DTYMK: variants seen among roughly 807,000 people sequenced by gnomAD.
DTYMK encodes the protein deoxythymidylate kinase.
In DTYMK, 20 loss-of-function variants were observed where a neutral mutation model predicts 20.3. That is an observed-to-expected ratio of 0.99 (90% CI 0.69 to 1.43). The LOEUF is 1.43. Among genes scored for constraint, DTYMK ranks in the 40% most tolerant of loss-of-function variants. The probability of loss-of-function intolerance (pLI) is 0.00; values close to 1 mark genes in which losing one functional copy is unlikely to be tolerated. For synonymous variants in DTYMK, 148 were observed against 124.4 expected (o/e 1.19, Z -1.27); for missense variants, 320 against 291.1 (o/e 1.10, Z -0.72).
chr2:241,679,883 C>T (rs568973252), intron 3 of DTYMK, among the ~76,000 whole-genome samples: 25 of 150,364 alleles, frequency 1.7e-4, no homozygotes, highest in Admixed American at 6.7e-4. Context: ...GCAGGATAAT[C>T]GCTTGAACTC....
intron 2 of DTYMK, chr2:241,682,850 C>A: frequency 5.8e-6 from 1 of 172,022 alleles, no homozygotes; most frequent in South Asian, 9.9e-5. Flanking sequence ...CTTGAACCTG[C>A]GAGGCGTAGG....
chr2:241,682,440 A>G (rs907221792), intron 2 of DTYMK: 1 of 295,954 alleles, frequency 3.4e-6, no homozygotes, highest in Non-Finnish European at 6.7e-6. Flanking sequence ...TGTTATCTAA[A>G]GCATACAAAG....
At chr2:241,684,701 A>AG in intron 2 of DTYMK, 1 of 461,794 alleles carries the variant, frequency 2.2e-6, no homozygotes, top group Non-Finnish European at 4.5e-6. Context: ...AAATAAAAAC[A>AG]TTGAAAGAAC....
Position 241,678,486 on chromosome 2 carries a change from T to G in DTYMK, c.494A>C (p.His165Pro), listed in dbSNP as rs1361324290. ...AFQERALRCFHQLMKDTTLNW... is the reference protein window; with the variant it reads ...AFQERALRCFPQLMKDTTLNW... ...CAAAGTCGTGTCTTTCATGAGCTGG[T>G]GGAAACACCGGAGCGCCCGCTCCTG... Residue 165 changes from histidine to proline, a missense_variant, in exon 4 of 5, where the codon CAC becomes CCC. Physicochemically the swap from His to Pro is moderately conservative, Grantham distance 77. Transcript: ENST00000305784. 1 of 1,614,020 alleles carries G rather than the reference T, an allele frequency of 6.2e-7. No homozygotes were observed. Among genetic ancestry groups the G allele is most frequent in the Non-Finnish European group, 8.5e-7 (1 of 1,180,040 alleles).
At chr2:241,681,960 C>CT (rs1033072168) in intron 2 of DTYMK, 1 of 275,216 alleles carries the variant, frequency 3.6e-6, no homozygotes, top group African/African-American at 2.3e-5. Flanking sequence ...AGGAGGATCA[C>CT]TTGAACCCAG....
At chr2:241,684,816 A>G in intron 2 of DTYMK, 1 of 437,274 alleles carries the variant, frequency 2.3e-6, no homozygotes, top group Non-Finnish European at 4.6e-6. Flanking sequence ...TAATGTATCA[A>G]TATTGGTTAT....
intron 3 of DTYMK, 126 bp from the exon 4 acceptor site, chr2:241,678,775 T>C: frequency 9.1e-7 from 1 of 1,096,530 alleles, no homozygotes; most frequent in Non-Finnish European, 1.3e-6. Flanking sequence ...GTTTATATTG[T>C]GGCTCGTTTA....
intron 2 of DTYMK, chr2:241,682,302 T>C (rs1413345104): frequency 1.6e-5 from 7 of 449,950 alleles, no homozygotes; most frequent in Admixed American, 4.8e-5. Flanking sequence ...GATTGCGCAC[T>C]GCACTCAGCC....
chr2:241,682,035 C>T lies in DTYMK; in HGVS notation c.240-1716G>A, dbSNP rs1006429297. On this transcript the variant is annotated intron_variant, in intron 2 of 4. Transcript: ENST00000305784. ...TTCCAGCCTGGGCAACAGAGCAAGACATTTCTCCTAAAAAAAAATAAGGCC... is the reference window on the plus strand; with the variant it reads ...TTCCAGCCTGGGCAACAGAGCAAGATATTTCTCCTAAAAAAAAATAAGGCC... 6.8e-5 allele frequency: 22 copies of T among 322,220 alleles called. No homozygotes were observed. The Middle Eastern group carries it at 3.5e-3, about 51-fold the overall frequency. The allele number at this position is 322,220 out of a possible 1,614,324, so 20.0% of individuals were successfully genotyped here. A position where few individuals can be genotyped will look rare whatever the true frequency, so the allele number is the denominator to read the frequency against.
intron 2 of DTYMK, among the ~76,000 whole-genome samples, chr2:241,681,727 G>A (rs770592988): frequency 5.3e-5 from 8 of 152,240 alleles, no homozygotes; most frequent in Non-Finnish European, 1.2e-4. Flanking sequence ...TTTGTGCTTT[G>A]TGAGAGACAC....
In DTYMK at chr2:241,684,822, G is replaced by A. The variant is rs2069341972; in HGVS notation, c.239+947C>T. The A allele has an allele frequency of 1.1e-4, 49 of 434,246 alleles. 1 individual carries two copies. The highest frequency in any genetic ancestry group is 8.1e-4 in the South Asian group (48 of 59,040). The allele number at this position is 434,246 out of a possible 1,614,324, so 26.9% of individuals were successfully genotyped here. On this transcript the variant is annotated intron_variant, in intron 2 of 4. Transcript: ENST00000305784. ...CTCAGTTACTAATGTATCAATATTG[G>A]TTATCAATTTTAACAAATGTAACAT...
chr2:241,682,126 T>C (rs1399023441), intron 2 of DTYMK: 5 of 393,102 alleles, frequency 1.3e-5, no homozygotes, highest in Non-Finnish European at 1.0e-5. Flanking sequence ...ACTGCTTGGG[T>C]CCAGGAGTTC....
At chr2:241,681,306 C>A (rs939221233) in intron 2 of DTYMK, among the ~76,000 whole-genome samples, 4 of 152,212 alleles carry the variant, frequency 2.6e-5, no homozygotes, top group African/African-American at 9.6e-5. Context: ...AAGGCATTTT[C>A]CTCAATAAAC....
At chr2:241,680,885 G>T (rs567286836) in intron 2 of DTYMK, among the ~76,000 whole-genome samples, 3 of 152,284 alleles carry the variant, frequency 2.0e-5, no homozygotes, top group African/African-American at 7.2e-5. Context: ...CAATGTTCCA[G>T]AAACACGGCA....
At chr2:241,677,537 G>T (rs2069145137) in intron 4 of DTYMK, among the ~76,000 whole-genome samples, 2 of 152,280 alleles carry the variant, frequency 1.3e-5, no homozygotes, top group South Asian at 4.1e-4. Flanking sequence ...GTGGCCACAA[G>T]CGACAGTGCT....
chr2:241,675,930 C>T lies in DTYMK; in HGVS notation c.*197G>A, dbSNP rs2069102295. ...TGCTCCATCGCTCTGCTCATGTCCA[C>T]ACTGCCAAGGTCCCCACCACGGGGG... On this transcript the variant is annotated 3_prime_UTR_variant, in exon 5 of 5. Coordinates refer to ENST00000305784, the MANE Select transcript of DTYMK (RefSeq NM_012145.4). The T allele has an allele frequency of 7.5e-6, 4 of 536,322 alleles. No individual in the cohort carries two copies. Among genetic ancestry groups the T allele is most frequent in the Admixed American group, 6.8e-5 (2 of 29,442 alleles). 33.2% of individuals were successfully genotyped at this position (536,322 alleles called of 1,614,324 possible).
intron 2 of DTYMK, among the ~76,000 whole-genome samples, chr2:241,683,370 C>G: frequency 6.6e-6 from 1 of 152,164 alleles, no homozygotes. Context: ...TTGTCCAACC[C>G]AAGGCCCGCA....
intron 1 of DTYMK, 22 bp from the exon 2 acceptor site, chr2:241,685,899 C>G (rs1198094238): frequency 6.2e-7 from 1 of 1,610,254 alleles, no homozygotes; most frequent in Admixed American, 1.7e-5. Context: ...GAGAAACACA[C>G]AAAATGCAAG....
intron 2 of DTYMK, among the ~76,000 whole-genome samples, chr2:241,681,382 C>T (rs1031205903): frequency 6.6e-6 from 1 of 152,174 alleles, no homozygotes; most frequent in African/African-American, 2.4e-5. Flanking sequence ...ATACCCTCCA[C>T]GAACATAAAT....
Sources: gnomAD v4.1 joint callset for allele counts (sites outside exome capture counted in the v4.1 genomes callset) on GRCh38, gnomAD v4.1.1 for gene constraint, MANE v1.5 for transcripts, NCBI Gene and HGNC (gene_info 2026-07-23, HGNC 2026-07-21) for gene names.